The following NTM variants were observed in gnomAD, a reference collection of about 807,000 sequenced individuals.
NTM encodes IgLON family member 2.
Under a neutral mutation model 42.1 loss-of-function variants are expected in NTM, and 13 were observed. The observed-to-expected ratio is 0.31, with a 90% CI of 0.20 to 0.49. The LOEUF (loss-of-function observed/expected upper bound fraction) is 0.49. Among genes scored for constraint, NTM ranks in the 20% least tolerant of loss-of-function variants. The pLI is 0.99. For missense variants in NTM, 373 were observed against 452.8 expected, an observed-to-expected ratio of 0.82 and a Z score of 1.60; for synonymous variants, 187 against 179.2, an observed-to-expected ratio of 1.04 and a Z score of -0.35.
intron 4 of NTM, among the ~76,000 whole-genome samples, chr11:132,242,609 C>T (rs972563984): frequency 7.2e-5 from 11 of 152,192 alleles, no homozygotes; most frequent in South Asian, 2.1e-4. Context: ...GGGTTTGCAC[C>T]GCTTTCACAC....
At chr11:132,251,089 G>C (rs1052113044) in intron 4 of NTM, among the ~76,000 whole-genome samples, 1 of 152,214 alleles carries the variant, frequency 6.6e-6, no homozygotes, top group Non-Finnish European at 1.5e-5. Flanking sequence ...AGCTAGCCCA[G>C]GTAATTCAAA....
chr11:131,417,000 T>C (rs1947030373), intron 1 of NTM, among the ~76,000 whole-genome samples: 1 of 152,238 alleles, frequency 6.6e-6, no homozygotes. Context: ...GCCTTTCTTA[T>C]TGTCAATCTT....
chr11:132,109,646 A>G (rs1007130969), intron 2 of NTM, among the ~76,000 whole-genome samples: 14 of 150,764 alleles, frequency 9.3e-5, no homozygotes, highest in African/African-American at 3.4e-4. Flanking sequence ...CCTCACCTCC[A>G]TGTCCACTGT....
At chr11:131,999,576 C>A (rs1240680015) in intron 2 of NTM, among the ~76,000 whole-genome samples, 1 of 152,224 alleles carries the variant, frequency 6.6e-6, no homozygotes, top group Non-Finnish European at 1.5e-5. Context: ...TGCTCCCTTC[C>A]TTCCAGAGCA....
intron 2 of NTM, among the ~76,000 whole-genome samples, chr11:131,926,290 A>G (rs780583216): frequency 2.6e-5 from 4 of 152,208 alleles, no homozygotes; most frequent in African/African-American, 4.8e-5. Flanking sequence ...TGTACTTAGC[A>G]GGAACCAGCT....
chr11:132,038,357 T>A (rs1336043073), intron 2 of NTM, among the ~76,000 whole-genome samples: 1 of 152,240 alleles, frequency 6.6e-6, no homozygotes, highest in Non-Finnish European at 1.5e-5. Context: ...ATGTTCTTAA[T>A]GCAGAGAAGT....
intron 1 of NTM, among the ~76,000 whole-genome samples, chr11:131,459,676 GT>G (rs143010022): frequency 0.032 from 4,908 of 152,212 alleles, 240 homozygotes; most frequent in African/African-American, 0.11. Flanking sequence ...TCTAAGCACG[GT>G]CCTGGGTGGT....
intron 1 of NTM, among the ~76,000 whole-genome samples, chr11:131,835,662 C>A (rs888035862): frequency 3.3e-5 from 5 of 152,232 alleles, no homozygotes; most frequent in Non-Finnish European, 7.4e-5. Context: ...TACAAACACT[C>A]TGGAAAATTA....
At chr11:131,776,443 T>C (rs1167295044) in intron 1 of NTM, among the ~76,000 whole-genome samples, 1 of 152,208 alleles carries the variant, frequency 6.6e-6, no homozygotes, top group Non-Finnish European at 1.5e-5. Context: ...CAGTAGGCAC[T>C]TGGTCTGCCT....
rs572610755 is a variant in NTM at position 131,664,253 on chromosome 11, G to A, written c.83-247311G>A. Among the ~76,000 whole-genome samples, 18 of 152,380 alleles carry A rather than the reference G, an allele frequency of 1.2e-4. No individual in the cohort carries two copies. The South Asian group carries it at 3.7e-3, about 32-fold the overall frequency. The stretch of plus-strand genomic sequence containing the variant: ...TCTCTGGACCTCTCAACATGGGACA[G>A]AAGCATGGTAGTGTAATACTGCATA... On this transcript the variant is annotated intron_variant, in intron 1 of 8. Transcript: ENST00000683400.
intron 1 of NTM, among the ~76,000 whole-genome samples, chr11:131,798,379 C>T (rs1459386283): frequency 6.6e-6 from 1 of 152,208 alleles, no homozygotes; most frequent in Non-Finnish European, 1.5e-5. Context: ...AAGATGGAGA[C>T]TCCTCCAAAT....
At chr11:131,599,683 C>G (rs1243205864) in intron 1 of NTM, among the ~76,000 whole-genome samples, 1 of 152,166 alleles carries the variant, frequency 6.6e-6, no homozygotes, top group East Asian at 1.9e-4. Flanking sequence ...TGGCTCACAA[C>G]AATGAAATAT....
intron 4 of NTM, among the ~76,000 whole-genome samples, chr11:132,278,071 G>C (rs1056129992): frequency 6.6e-5 from 10 of 152,238 alleles, no homozygotes; most frequent in African/African-American, 2.4e-4. Context: ...ATCAACATCG[G>C]CCTTCTGGTT....
chr11:131,759,653 C>A (rs918015066), intron 1 of NTM, among the ~76,000 whole-genome samples: 1 of 151,762 alleles, frequency 6.6e-6, no homozygotes, highest in Non-Finnish European at 1.5e-5. Flanking sequence ...AAGCTAGTTG[C>A]CTGAAAGTGC....
At chr11:131,649,748 A>C (rs979831244) in intron 1 of NTM, among the ~76,000 whole-genome samples, 11 of 152,188 alleles carry the variant, frequency 7.2e-5, no homozygotes, top group African/African-American at 2.4e-4. Flanking sequence ...GTGAAAGGGA[A>C]GTGGATGATA....
chr11:132,290,604 C>A (rs2094424372), intron 4 of NTM, among the ~76,000 whole-genome samples: 1 of 152,104 alleles, frequency 6.6e-6, no homozygotes, highest in Non-Finnish European at 1.5e-5. Context: ...TGCATTTATT[C>A]ATTCAACAAC....
At chr11:132,191,990 A>T (rs1244851291) in intron 3 of NTM, among the ~76,000 whole-genome samples, 1 of 152,210 alleles carries the variant, frequency 6.6e-6, no homozygotes, top group Non-Finnish European at 1.5e-5. Flanking sequence ...TTTAAAAATG[A>T]ACAAAACCTT....
Position 131,650,347 on chromosome 11 carries a change from C to T in NTM, c.83-261217C>T, listed in dbSNP as rs540757059. ...TTAGAGTAACATTGGTTCACTGTGGCGAGGGGCCATTGCTTCTCCTACATT... is the reference window on the plus strand; with the variant it reads ...TTAGAGTAACATTGGTTCACTGTGGTGAGGGGCCATTGCTTCTCCTACATT... On this transcript the variant is annotated intron_variant, in intron 1 of 8. Transcript: ENST00000683400. Among the ~76,000 whole-genome samples, 22 of 152,208 alleles carry T rather than the reference C, an allele frequency of 1.4e-4. No individual in the cohort carries two copies. In the East Asian group the frequency reaches 1.7e-3, roughly 12 times the overall value.
Position 131,811,626 on chromosome 11 carries a change from A to T in NTM, c.83-99938A>T, listed in dbSNP as rs75414749. ...ACAGCTGATTGATGTCAAATATGTC[A>T]TGATGTATATTGTAAAGCAGGGAGA... On this transcript the variant is annotated intron_variant, in intron 1 of 8. Coordinates refer to ENST00000683400, the MANE Select transcript of NTM (RefSeq NM_001352005.2). Among the ~76,000 whole-genome samples, 1,125 of 152,096 alleles carry T rather than the reference A, an allele frequency of 7.4e-3. 15 individuals carry two copies. Among genetic ancestry groups the T allele is most frequent in the African/African-American group, 0.025 (1,042 of 41,346 alleles).
Sources: gnomAD v4.1 joint callset for allele counts (sites outside exome capture counted in the v4.1 genomes callset) on GRCh38, gnomAD v4.1.1 for gene constraint, MANE v1.5 for transcripts, NCBI Gene and HGNC (gene_info 2026-07-23, HGNC 2026-07-21) for gene names.